Variants in ESD observed in about 807,000 individuals in gnomAD.
ESD encodes the protein esterase D, also known as S-formylglutathione hydrolase.
ESD carries 34 observed loss-of-function variants against 38.1 expected under a neutral mutation model. That is an observed-to-expected ratio of 0.89 (90% confidence interval 0.68 to 1.19). ESD has a LOEUF of 1.19. ESD is among the 50% of genes most tolerant of loss of function. The probability of loss-of-function intolerance (pLI) is 0.00; values close to 1 mark genes in which losing one functional copy is unlikely to be tolerated. For synonymous variants in ESD, 97 were observed against 107.0 expected (o/e 0.91, Z 0.58); for missense variants, 334 against 327.2 (o/e 1.02, Z -0.16).
chr13:46,778,819 T>C (rs1437511523), intron 8 of ESD, among the ~76,000 whole-genome samples: 1 of 151,818 alleles, frequency 6.6e-6, no homozygotes, highest in East Asian at 1.9e-4. Context: ...TAAACAAAAC[T>C]GTAATCTAGT....
chr13:46,775,817 A>C, intron 9 of ESD: 1 of 353,606 alleles, frequency 2.8e-6, no homozygotes, highest in South Asian at 2.3e-5. Context: ...AGTATAGCCA[A>C]CTATGTGTTC....
chr13:46,797,098 G>A lies in ESD; in HGVS notation c.-56+7C>T, dbSNP rs940646609. 11 of 152,374 alleles carry A rather than the reference G, an allele frequency of 7.2e-5. No homozygotes were observed. Among genetic ancestry groups the A allele is most frequent in the African/African-American group, 2.4e-4 (10 of 41,464 alleles). 9.4% of individuals were successfully genotyped at this position (152,374 alleles called of 1,614,324 possible). A position where few individuals can be genotyped will look rare whatever the true frequency, so the allele number is the denominator to read the frequency against. ...ACGTCCAGGCCTCTACCCGAACCCAGTCTTACCTACGGTGGCGGAGTGACC... is the reference window on the plus strand; with the variant it reads ...ACGTCCAGGCCTCTACCCGAACCCAATCTTACCTACGGTGGCGGAGTGACC... On this transcript the variant is annotated splice_region_variant and intron_variant, in intron 1 of 9. Transcript: ENST00000378720.
chr13:46,778,567 T>C (rs1874886057), intron 8 of ESD, among the ~76,000 whole-genome samples: 1 of 151,856 alleles, frequency 6.6e-6, no homozygotes, highest in South Asian at 2.1e-4. Flanking sequence ...AGGTTACCTG[T>C]ACCTCTACCT....
chr13:46,772,190 C>A (rs1874630188), intron 9 of ESD, among the ~76,000 whole-genome samples: 1 of 152,142 alleles, frequency 6.6e-6, no homozygotes, highest in Non-Finnish European at 1.5e-5. Context: ...GGCCTGACAT[C>A]CCTTAGCAAA....
intron 3 of ESD, among the ~76,000 whole-genome samples, chr13:46,788,214 G>A (rs1158558462): frequency 6.6e-6 from 1 of 151,656 alleles, no homozygotes; most frequent in Non-Finnish European, 1.5e-5. Flanking sequence ...ATCCTTCCTT[G>A]TTAGGAATAG....
At chr13:46,784,996 C>A (rs1336615263) in intron 4 of ESD, among the ~76,000 whole-genome samples, 1 of 151,992 alleles carries the variant, frequency 6.6e-6, no homozygotes, top group Non-Finnish European at 1.5e-5. Context: ...AGTAAATAAG[C>A]AAATACTATG....
intron 3 of ESD, among the ~76,000 whole-genome samples, chr13:46,789,070 T>G (rs945706232): frequency 1.3e-5 from 2 of 152,190 alleles, no homozygotes; most frequent in African/African-American, 4.8e-5. Context: ...GCTAATTTGA[T>G]GTAAATGGCT....
intron 9 of ESD, among the ~76,000 whole-genome samples, chr13:46,772,891 A>G (rs755696879): frequency 1.2e-4 from 19 of 152,052 alleles, no homozygotes; most frequent in Admixed American, 2.0e-4. Context: ...TCGCCATGTT[A>G]GCCAGGATGG....
chr13:46,777,493 GT>G lies in ESD; in HGVS notation c.730del (p.Thr244GlnfsTer37). ...AAAAACAACGGGGATTTTCTTTTCT[GT>G]ACAGGCAGCTATGAAGTTATCAGGG... ...LLPDNFIAACTEKKIPVVFRL... is the reference protein window; with the variant it reads ...LLPDNFIAACXEKKIPVVFRL... On this transcript the variant is annotated frameshift_variant, in exon 9 of 10. Coordinates refer to ENST00000378720, the MANE Select transcript of ESD (RefSeq NM_001984.2). LOFTEE classifies it high-confidence loss of function. The G allele has an allele frequency of 6.2e-7, 1 of 1,610,038 alleles. No individual in the cohort carries two copies. The highest frequency in any genetic ancestry group is 8.5e-7 in the Non-Finnish European group (1 of 1,177,388).
chr13:46,777,321 C>T (rs1046186140), intron 9 of ESD, 135 bp downstream of exon 9: 10 of 577,770 alleles, frequency 1.7e-5, no homozygotes, highest in Non-Finnish European at 2.8e-5. Flanking sequence ...GTTTTCACTT[C>T]AAGTGTCTGA....
At chr13:46,781,766 A>C in intron 6 of ESD, 151 bp from the exon 7 acceptor site, 5 of 659,450 alleles carry the variant, frequency 7.6e-6, no homozygotes, top group Non-Finnish European at 5.2e-6. Context: ...ACAAAACTAA[A>C]TCCTCAGGCA....
intron 1 of ESD, among the ~76,000 whole-genome samples, chr13:46,794,956 T>G (rs1875526456): frequency 6.6e-6 from 1 of 152,192 alleles, no homozygotes. Context: ...TAACCAATCT[T>G]TCTCAAGCAT....
At chr13:46,791,535 A>C in intron 2 of ESD, 115 bp from the exon 3 acceptor site, 1 of 744,406 alleles carries the variant, frequency 1.3e-6, no homozygotes, top group Admixed American at 3.2e-5. Context: ...TTCTACTTAG[A>C]ATTTTTTTTT....
intron 9 of ESD, 161 bp downstream of exon 9, chr13:46,777,291 ATAAT>A (rs1349863012): frequency 6.6e-6 from 3 of 454,222 alleles, no homozygotes; most frequent in Non-Finnish European, 1.2e-5. Context: ...AGTGTTAGAT[ATAAT>A]TAATTTTATA....
intron 7 of ESD, 84 bp from the exon 8 acceptor site, chr13:46,780,117 T>C (rs752507205): frequency 9.5e-5 from 85 of 894,806 alleles, no homozygotes; most frequent in Non-Finnish European, 1.3e-4. Flanking sequence ...CTTAAAAATA[T>C]AGAAGTTACT....
At chr13:46,781,665 AG>A in intron 6 of ESD, 50 bp from the exon 7 acceptor site, 1 of 1,528,900 alleles carries the variant, frequency 6.5e-7, no homozygotes, top group Non-Finnish European at 9.0e-7. Flanking sequence ...AAATAAGTTC[AG>A]ACATTTCAAA....
chr13:46,787,575 A>G (rs945332800), intron 3 of ESD, among the ~76,000 whole-genome samples: 13 of 151,958 alleles, frequency 8.6e-5, no homozygotes, highest in African/African-American at 3.1e-4. Flanking sequence ...ATGCAACTAG[A>G]AAAGACAATT....
At chr13:46,783,433 G>C (rs1875081031) in intron 5 of ESD, among the ~76,000 whole-genome samples, 1 of 151,962 alleles carries the variant, frequency 6.6e-6, no homozygotes, top group Non-Finnish European at 1.5e-5. Context: ...GTAACACGTA[G>C]AGTAATTTGG....
intron 9 of ESD, among the ~76,000 whole-genome samples, chr13:46,773,089 C>T (rs1437417584): frequency 6.6e-6 from 1 of 152,142 alleles, no homozygotes; most frequent in African/African-American, 2.4e-5. Context: ...TATGGCTGTA[C>T]AGTATTCCAT....
Sources: allele counts gnomAD v4.1 joint callset (sites outside exome capture counted in the v4.1 genomes callset), GRCh38; gene constraint gnomAD v4.1.1; transcripts MANE v1.5; gene names NCBI Gene and HGNC (gene_info 2026-07-23, HGNC 2026-07-21).